LRCH3: variants seen among roughly 807,000 people sequenced by gnomAD.
The protein encoded by LRCH3 is leucine rich repeats and calponin homology domain containing 3.
In LRCH3, 68 loss-of-function variants were observed where a neutral mutation model predicts 104.5. That is an observed-to-expected ratio of 0.65 (90% CI 0.54 to 0.80). The LOEUF is 0.80. Ranked by LOEUF, LRCH3 falls within the 30% of genes least tolerant of loss-of-function variation. LRCH3 has a pLI of 0.00. For missense variants in LRCH3, 951 were observed against 953.9 expected (o/e 1.00, Z 0.04); for synonymous variants, 344 against 361.3 (o/e 0.95, Z 0.54).
In LRCH3 at chr3:197,883,250, C is replaced by T. The variant is rs751526830; in HGVS notation, c.2209-291C>T. The T allele has an allele frequency of 1.8e-6, 2 of 1,091,636 alleles. No homozygotes were observed. Among genetic ancestry groups the T allele is most frequent in the Non-Finnish European group, 2.2e-6 (2 of 897,110 alleles). 67.6% of individuals were successfully genotyped at this position (1,091,636 alleles called of 1,614,324 possible). On this transcript the variant is annotated intron_variant, in intron 20 of 20. Coordinates refer to ENST00000425562, the MANE Select transcript of LRCH3 (RefSeq NM_001365715.1). This position sits in a 1 kb window ranked among gnomAD's most constrained non-coding sequence, Gnocchi z 4.2. The stretch of plus-strand genomic sequence containing the variant: ...TCAGGGATAAAGGATGTTGCTTTCA[C>T]CCTGCGGTATTGTTTTCCCTCTGTT...
intron 16 of LRCH3, 114 bp from the exon 17 acceptor site, chr3:197,865,998 A>T (rs1741437849): frequency 1.3e-6 from 1 of 752,642 alleles, no homozygotes; most frequent in Admixed American, 2.5e-5. Flanking sequence ...CATTAAATAG[A>T]ATTATTTTAT....
At position 197,885,937 on chromosome 3, in the gene LRCH3, A is replaced by G. The variant is rs1346770866; in HGVS notation, c.*2271A>G. On this transcript the variant is annotated 3_prime_UTR_variant, in exon 21 of 21. Transcript: ENST00000425562. ...TTATCAGGTAAATGTAGCATCTAAAAGTAGCTTTGGATCAAATCATGTTGA... is the reference window on the plus strand; with the variant it reads ...TTATCAGGTAAATGTAGCATCTAAAGGTAGCTTTGGATCAAATCATGTTGA... 3 of 152,362 alleles carry G rather than the reference A, an allele frequency of 2.0e-5. No individual in the cohort carries two copies. The East Asian group carries it at 5.8e-4, about 29-fold the overall frequency. The allele number at this position is 152,362 out of a possible 1,614,324, so 9.4% of individuals were successfully genotyped here. A position where few individuals can be genotyped will look rare whatever the true frequency, so the allele number is the denominator to read the frequency against.
intron 7 of LRCH3, 110 bp downstream of exon 7, chr3:197,830,973 G>A: frequency 2.1e-6 from 2 of 950,736 alleles, no homozygotes; most frequent in South Asian, 1.5e-5. Flanking sequence ...ATAAAATACA[G>A]AAAAGTCAAG....
chr3:197,829,361 A>G (rs1016333848), intron 5 of LRCH3, among the ~76,000 whole-genome samples: 5 of 152,240 alleles, frequency 3.3e-5, no homozygotes, highest in African/African-American at 9.6e-5. Flanking sequence ...TAGTGACTAG[A>G]AAATGAAAAC....
intron 20 of LRCH3, chr3:197,880,948 C>T (rs1713707345): frequency 7.2e-7 from 1 of 1,392,668 alleles, no homozygotes; most frequent in Non-Finnish European, 9.3e-7. Flanking sequence ...TCCTGGTCAT[C>T]CGTCCATTCT....
chr3:197,800,557 G>A (rs1356673916), intron 1 of LRCH3, among the ~76,000 whole-genome samples: 2 of 152,184 alleles, frequency 1.3e-5, no homozygotes, highest in Non-Finnish European at 2.9e-5. Context: ...GATGCTGTGG[G>A]AGCTTGTGGG....
At chr3:197,882,800 A>G (rs1474366770) in intron 20 of LRCH3, 1 of 984,370 alleles carries the variant, frequency 1.0e-6, no homozygotes, top group Admixed American at 6.1e-5. Flanking sequence ...ACATGTTGGT[A>G]ATCAACATGT....
intron 19 of LRCH3, among the ~76,000 whole-genome samples, chr3:197,873,882 A>G (rs1712541118): frequency 6.6e-6 from 1 of 152,022 alleles, no homozygotes; most frequent in Non-Finnish European, 1.5e-5. Context: ...TTAGCTGTGC[A>G]TGGTGGTGCA....
At chr3:197,867,516 G>C (rs933111222) in intron 17 of LRCH3, among the ~76,000 whole-genome samples, 1 of 151,364 alleles carries the variant, frequency 6.6e-6, no homozygotes, top group African/African-American at 2.4e-5. Flanking sequence ...TCAGGAGTTC[G>C]AGACCATCCT....
chr3:197,880,225 G>A (rs964144964), intron 20 of LRCH3, among the ~76,000 whole-genome samples: 2 of 152,064 alleles, frequency 1.3e-5, no homozygotes, highest in African/African-American at 2.4e-5. Flanking sequence ...GATTACAGGT[G>A]TGAGCCACCG....
At position 197,870,226 on chromosome 3, in the gene LRCH3, AG is replaced by A; in HGVS notation, c.1941del (p.Asn648IlefsTer11). On this transcript the variant is annotated frameshift_variant, in exon 18 of 21. Coordinates refer to ENST00000425562, the MANE Select transcript of LRCH3 (RefSeq NM_001365715.1). LOFTEE classifies it high-confidence loss of function. Reference protein sequence around the residue: ...TTDSTDSITGQNSRQREEELE... With the variant: ...TTDSTDSITGXNSRQREEELE... ...GATTCTACAGATTCCATAACAGGAC[AG>A]AATTCAAGACAGAGAGAAGAAGAGC... 6.2e-7 allele frequency: 1 copy of A among 1,613,294 alleles called. No individual in the cohort carries two copies. The highest frequency in any genetic ancestry group is 1.1e-5 in the South Asian group (1 of 91,070).
At chr3:197,835,083 G>A (rs1439613563) in intron 8 of LRCH3, among the ~76,000 whole-genome samples, 1 of 152,170 alleles carries the variant, frequency 6.6e-6, no homozygotes, top group Non-Finnish European at 1.5e-5. Flanking sequence ...AGCAGAGGTT[G>A]CAGTGAGCCA....
chr3:197,830,901 A>G (rs1367695553), intron 7 of LRCH3, 38 bp downstream of exon 7: 3 of 1,441,806 alleles, frequency 2.1e-6, no homozygotes, highest in African/African-American at 1.4e-5. Context: ...ATAACACCTG[A>G]TTAAGAGAAA....
intron 1 of LRCH3, among the ~76,000 whole-genome samples, chr3:197,794,181 A>G (rs1420935302): frequency 2.0e-5 from 3 of 152,366 alleles, no homozygotes; most frequent in East Asian, 1.9e-4. Context: ...GGTTATAGCT[A>G]TCACCACTAT....
At chr3:197,867,980 C>A (rs1711547305) in intron 17 of LRCH3, among the ~76,000 whole-genome samples, 1 of 152,020 alleles carries the variant, frequency 6.6e-6, no homozygotes, top group Non-Finnish European at 1.5e-5. Context: ...GTCAAGATTG[C>A]GCGATTGCAC....
chr3:197,848,505 G>A (rs1193757123), intron 12 of LRCH3: 1 of 152,874 alleles, frequency 6.5e-6, no homozygotes, highest in Non-Finnish European at 1.5e-5. Context: ...ACGTTTTGCA[G>A]CCTCTATAGT....
chr3:197,811,148 C>G (rs1273550618), intron 1 of LRCH3, among the ~76,000 whole-genome samples: 1 of 152,124 alleles, frequency 6.6e-6, no homozygotes. Context: ...CGTCTATGTT[C>G]TTGGTGTTTA....
rs2109592156 is a variant in LRCH3 at position 197,885,124 on chromosome 3, G to C, written c.*1458G>C. 6.6e-6 allele frequency: 1 copy of C among 152,362 alleles called. No homozygotes were observed. The highest frequency in any genetic ancestry group is 1.9e-4 in the East Asian group (1 of 5,188). The allele number at this position is 152,362 out of a possible 1,614,324, so 9.4% of individuals were successfully genotyped here. A position where few individuals can be genotyped will look rare whatever the true frequency, so the allele number is the denominator to read the frequency against. On this transcript the variant is annotated 3_prime_UTR_variant, in exon 21 of 21. Transcript: ENST00000425562. ...ACAACAAGCCCTCTCTCTATACAGA[G>C]TTTCCAAATTCTGAAGCTGATAGCG...
intron 14 of LRCH3, among the ~76,000 whole-genome samples, chr3:197,857,497 G>GT (rs1740420666): frequency 6.8e-6 from 1 of 146,532 alleles, no homozygotes; most frequent in Non-Finnish European, 1.5e-5. Flanking sequence ...GCTAGTATCA[G>GT]TTACACTGAG....
Sources: allele counts gnomAD v4.1 joint callset (sites outside exome capture counted in the v4.1 genomes callset), GRCh38; gene constraint gnomAD v4.1.1; non-coding constraint Gnocchi (gnomAD v3.1); transcripts MANE v1.5; gene names NCBI Gene and HGNC (gene_info 2026-07-23, HGNC 2026-07-21).